LMNTD1: variants seen among roughly 807,000 people sequenced by gnomAD.
The protein encoded by LMNTD1 is lamin tail domain containing 1.
In LMNTD1, 35 loss-of-function variants were observed where a neutral mutation model predicts 50.9. The observed-to-expected ratio is 0.69, with a 90% CI of 0.53 to 0.91. The LOEUF (loss-of-function observed/expected upper bound fraction) is 0.91. LMNTD1 is among the 40% of genes least tolerant of loss of function. LMNTD1 has a pLI of 0.00. For missense variants in LMNTD1, 470 were observed against 475.5 expected (o/e 0.99, Z 0.11); for synonymous variants, 153 against 161.9 (o/e 0.94, Z 0.42).
At chr12:25,517,815 A>G (rs1940923152) in intron 8 of LMNTD1, among the ~76,000 whole-genome samples, 1 of 151,884 alleles carries the variant, frequency 6.6e-6, no homozygotes, top group Non-Finnish European at 1.5e-5. Context: ...CCATCATTCC[A>G]CTTCTAAAAG....
chr12:25,572,219 A>G (rs1944827454), intron 1 of LMNTD1, among the ~76,000 whole-genome samples: 1 of 152,236 alleles, frequency 6.6e-6, no homozygotes, highest in Non-Finnish European at 1.5e-5. Flanking sequence ...TACATCTATT[A>G]TTTAATCATC....
At chr12:25,599,050 T>C (rs914804102) in intron 1 of LMNTD1, among the ~76,000 whole-genome samples, 2 of 152,028 alleles carry the variant, frequency 1.3e-5, no homozygotes, top group African/African-American at 2.4e-5. Context: ...TGAATATTTA[T>C]GCGAAAGTCC....
chr12:25,569,203 T>TGTATGGATGGAG (rs1944682437), intron 1 of LMNTD1, among the ~76,000 whole-genome samples: 1 of 151,794 alleles, frequency 6.6e-6, no homozygotes, highest in Non-Finnish European at 1.5e-5. Context: ...TTATACAGTG[T>TGTATGGATGGAG]GCCCTGGATG....
intron 7 of LMNTD1, among the ~76,000 whole-genome samples, 199 bp from the exon 8 acceptor site, chr12:25,519,166 C>G (rs1447858283): frequency 6.6e-6 from 1 of 152,208 alleles, no homozygotes; most frequent in Non-Finnish European, 1.5e-5. Context: ...TGTCCATAGG[C>G]AGCTTTTGAT....
intron 8 of LMNTD1, 42 bp downstream of exon 8, chr12:25,518,753 A>G: frequency 6.4e-7 from 1 of 1,552,638 alleles, no homozygotes; most frequent in Non-Finnish European, 8.9e-7. Flanking sequence ...GTGCATGCAC[A>G]CACACGCACT....
At chr12:25,570,395 G>A (rs1029104431) in intron 1 of LMNTD1, among the ~76,000 whole-genome samples, 1 of 152,172 alleles carries the variant, frequency 6.6e-6, no homozygotes, top group Non-Finnish European at 1.5e-5. Context: ...AGGTTGGATA[G>A]AACTTTGAAA....
intron 7 of LMNTD1, among the ~76,000 whole-genome samples, chr12:25,519,587 C>CAAAAGAAAAAAAAAA (rs1941122545): frequency 1.1e-5 from 1 of 94,716 alleles, no homozygotes; most frequent in African/African-American, 5.0e-5. Flanking sequence ...GACTCTGTCT[C>CAAAAGAAAAAAAAAA]AAAAAAAAAA....
chr12:25,648,550 A>G (rs1168969347), exon 1 of LMNTD1: 4 of 1,551,454 alleles, frequency 2.6e-6, no homozygotes, highest in Non-Finnish European at 3.5e-6. Flanking sequence ...TGGCTGTTGC[A>G]TGTAGTGTCC....
At chr12:25,614,975 A>G (rs1448268759) in intron 1 of LMNTD1, among the ~76,000 whole-genome samples, 2 of 152,132 alleles carry the variant, frequency 1.3e-5, no homozygotes, top group Non-Finnish European at 2.9e-5. Context: ...ATATTGGATT[A>G]AGGCCCAATC....
chr12:25,479,776 T>G (rs1451759029), intron 9 of LMNTD1, among the ~76,000 whole-genome samples: 1 of 152,294 alleles, frequency 6.6e-6, no homozygotes, highest in African/African-American at 2.4e-5. Flanking sequence ...TCGCTGCCCT[T>G]TTCATGATAG....
intron 1 of LMNTD1, among the ~76,000 whole-genome samples, chr12:25,578,833 A>C (rs1178903422): frequency 1.3e-5 from 2 of 152,232 alleles, no homozygotes; most frequent in Admixed American, 6.5e-5. Context: ...TGGCCTTAAC[A>C]GTACAATGAA....
intron 4 of LMNTD1, among the ~76,000 whole-genome samples, chr12:25,542,945 G>T (rs1328406991): frequency 6.6e-6 from 1 of 151,688 alleles, no homozygotes; most frequent in Non-Finnish European, 1.5e-5. Flanking sequence ...AATGAGAAAG[G>T]TGATACCAAT....
chr12:25,517,767 A>AAAAAAG (rs71065949), intron 8 of LMNTD1, among the ~76,000 whole-genome samples: 18 of 147,072 alleles, frequency 1.2e-4, no homozygotes, highest in Middle Eastern at 3.5e-3. Context: ...TAAGCAGGAA[A>AAAAAAG]AAAGAAAAAG....
intron 1 of LMNTD1, among the ~76,000 whole-genome samples, chr12:25,602,235 G>T (rs1367130847): frequency 6.6e-6 from 1 of 151,794 alleles, no homozygotes; most frequent in Non-Finnish European, 1.5e-5. Context: ...AACTCTGGTT[G>T]CCACTTGTTA....
chr12:25,499,149 G>T (rs1939238348), intron 9 of LMNTD1, among the ~76,000 whole-genome samples: 1 of 152,142 alleles, frequency 6.6e-6, no homozygotes, highest in Admixed American at 6.5e-5. Flanking sequence ...CTAGCTCACT[G>T]CAGACTTAAC....
At chr12:25,552,475 G>A (rs911556028) in intron 2 of LMNTD1, among the ~76,000 whole-genome samples, 3 of 150,342 alleles carry the variant, frequency 2.0e-5, no homozygotes, top group African/African-American at 4.9e-5. Context: ...GCGTGGTGGC[G>A]GGCGCCTGTA....
At chr12:25,537,772 T>C (rs1020304839) in intron 4 of LMNTD1, among the ~76,000 whole-genome samples, 11 of 152,240 alleles carry the variant, frequency 7.2e-5, no homozygotes, top group Admixed American at 7.2e-4. Flanking sequence ...ATCAAATTAC[T>C]CTGAGCTATG....
At chr12:25,559,681 A>C (rs985496882) in intron 1 of LMNTD1, among the ~76,000 whole-genome samples, 1 of 152,160 alleles carries the variant, frequency 6.6e-6, no homozygotes, top group Non-Finnish European at 1.5e-5. Flanking sequence ...AAGTGTTCCT[A>C]TTTCTCCACA....
intron 9 of LMNTD1, among the ~76,000 whole-genome samples, chr12:25,482,256 ATAACT>A (rs762753515): frequency 1.3e-5 from 2 of 152,036 alleles, no homozygotes; most frequent in African/African-American, 2.4e-5. Flanking sequence ...TTAAGAACAA[ATAACT>A]TAACCCTGCA....
Sources: allele counts gnomAD v4.1 joint callset (sites outside exome capture counted in the v4.1 genomes callset), GRCh38; gene constraint gnomAD v4.1.1; transcripts MANE v1.5; gene names NCBI Gene and HGNC (gene_info 2026-07-23, HGNC 2026-07-21).